ABCA1: variants seen among roughly 807,000 people sequenced by gnomAD.
ABCA1 encodes ATP binding cassette subfamily A member 1, also known as phospholipid-transporting ATPase ABCA1.
A neutral mutation model predicts 262.5 loss-of-function variants in ABCA1; 133 were observed. That is an observed-to-expected ratio of 0.51 (90% confidence interval 0.44 to 0.59). The LOEUF is 0.59. Among genes scored for constraint, ABCA1 ranks in the 20% least tolerant of loss-of-function variants. ABCA1 has a pLI of 0.00. For synonymous variants in ABCA1, 1,022 were observed against 1,043.5 expected (o/e 0.98, Z 0.40); for missense variants, 2,452 against 2,777.5 (o/e 0.88, Z 2.63).
At chr9:104,862,634 C>CT (rs1836530308) in intron 5 of ABCA1, among the ~76,000 whole-genome samples, 1 of 62,144 alleles carries the variant, frequency 1.6e-5, no homozygotes, top group Non-Finnish European at 3.2e-5. Flanking sequence ...TGCAGACTGC[C>CT]GGGCCGGGCC....
intron 2 of ABCA1, among the ~76,000 whole-genome samples, chr9:104,892,471 A>T (rs1394671304): frequency 6.6e-6 from 1 of 151,804 alleles, no homozygotes; most frequent in Non-Finnish European, 1.5e-5. Flanking sequence ...CAAAACCATG[A>T]CTCTATGAAA....
intron 46 of ABCA1, 142 bp downstream of exon 46, chr9:104,787,778 C>A: frequency 6.4e-7 from 1 of 1,565,636 alleles, no homozygotes; most frequent in South Asian, 1.1e-5. Flanking sequence ...GAGAAGCTTC[C>A]CTCTGCTTTT....
intron 1 of ABCA1, among the ~76,000 whole-genome samples, chr9:104,924,586 G>C (rs1842322422): frequency 1.3e-5 from 2 of 149,506 alleles, no homozygotes; most frequent in African/African-American, 2.5e-5. Flanking sequence ...CTCCAGCCTA[G>C]GCAAAAGAGC....
rs753970024 is a variant in ABCA1 at position 104,796,110 on chromosome 9, G to A, written c.5325C>T (p.Leu1775=). Residue 1775 remains leucine, a synonymous_variant, in exon 39 of 50, where the codon CTC becomes CTT. Coordinates refer to ENST00000374736, the MANE Select transcript of ABCA1 (RefSeq NM_005502.4). ...TAYVVLTSVN[L]FIGINGSVAT... is the part of the protein sequence containing the mutation. The stretch of plus-strand genomic sequence containing the variant: ...CCACGCTGCCATTAATGCCAATGAA[G>A]AGGTTCACGCTGGTGAGCACCACAT... 1.5e-5 allele frequency: 24 copies of A among 1,613,642 alleles called. No homozygotes were observed. In the South Asian group the frequency reaches 2.5e-4, roughly 17 times the overall value.
chr9:104,907,196 G>A (rs1333293864), intron 1 of ABCA1, among the ~76,000 whole-genome samples: 2 of 152,110 alleles, frequency 1.3e-5, no homozygotes, highest in East Asian at 3.9e-4. Context: ...CCTACCACTG[G>A]GACTTCACTG....
At chr9:104,816,405 C>A (rs1307890104) in intron 24 of ABCA1, 60 bp from the exon 25 acceptor site, 4 of 1,520,814 alleles carry the variant, frequency 2.6e-6, no homozygotes, top group Non-Finnish European at 3.6e-6. Flanking sequence ...GGAGTGAGGG[C>A]TGGCCATCCC....
rs914038129 is a variant in ABCA1, at chr9:104,821,658, C to G, written c.2829-152G>C. 4.4e-6 allele frequency: 4 copies of G among 917,488 alleles called. No homozygotes were observed. In the Admixed American group the frequency reaches 9.7e-5, roughly 22 times the overall value. The allele number at this position is 917,488 out of a possible 1,614,324, so 56.8% of individuals were successfully genotyped here. ...CCTACCAGACCCACACAAAGCAAAG[C>G]TGTCCTTTTGCTTCGGTAAATAACT... On this transcript the variant is annotated intron_variant, in intron 19 of 49. Transcript: ENST00000374736.
At chr9:104,919,304 G>T (rs1248627924) in intron 1 of ABCA1, among the ~76,000 whole-genome samples, 1 of 152,056 alleles carries the variant, frequency 6.6e-6, no homozygotes, top group Admixed American at 6.6e-5. Context: ...GGCTTAACAG[G>T]AGTCCATTAT....
intron 5 of ABCA1, among the ~76,000 whole-genome samples, chr9:104,863,404 A>G (rs1197944377): frequency 1.3e-5 from 2 of 152,228 alleles, no homozygotes; most frequent in Non-Finnish European, 2.9e-5. Context: ...ATGGCCAGGC[A>G]CTAAGCAACC....
intron 3 of ABCA1, among the ~76,000 whole-genome samples, chr9:104,885,633 A>C (rs1471500338): frequency 6.6e-6 from 1 of 152,188 alleles, no homozygotes; most frequent in African/African-American, 2.4e-5. Flanking sequence ...TCTTACCAAA[A>C]GGATGATGGG....
Position 104,917,724 on chromosome 9 carries a change from A to G in ABCA1, c.-93+10211T>C, listed in dbSNP as rs144997303. Among the ~76,000 whole-genome samples, 281 of 152,204 alleles carry G rather than the reference A, an allele frequency of 1.8e-3. 2 individuals carry two copies. In the East Asian group the frequency reaches 0.035, roughly 19 times the overall value. ...AGCCGAGGTGGTGCCACTGCACTCC[A>G]GCCTGGGCAACAGAGCAAGACTCGT... On this transcript the variant is annotated intron_variant, in intron 1 of 49. Coordinates refer to ENST00000374736, the MANE Select transcript of ABCA1 (RefSeq NM_005502.4).
intron 20 of ABCA1, among the ~76,000 whole-genome samples, chr9:104,820,763 C>A (rs972036945): frequency 1.3e-5 from 2 of 151,826 alleles, no homozygotes; most frequent in African/African-American, 4.8e-5. Context: ...AGGAGGGTGG[C>A]GGGGGAGAGG....
chr9:104,867,220 A>G (rs986485202), intron 5 of ABCA1, among the ~76,000 whole-genome samples: 1 of 152,216 alleles, frequency 6.6e-6, no homozygotes, highest in African/African-American at 2.4e-5. Context: ...AGCTAGAAGC[A>G]GAGTGGGGAA....
chr9:104,810,747 T>C, intron 29 of ABCA1, 53 bp downstream of exon 29: 1 of 1,613,760 alleles, frequency 6.2e-7, no homozygotes, highest in Non-Finnish European at 8.5e-7. Flanking sequence ...CTCGTAAACA[T>C]CTTTGGTCTG....
chr9:104,863,149 G>A (rs1836782752), intron 5 of ABCA1, among the ~76,000 whole-genome samples: 1 of 152,150 alleles, frequency 6.6e-6, no homozygotes, highest in Admixed American at 6.5e-5. Context: ...GTTGGAGGCT[G>A]TGTCTGGTGG....
chr9:104,850,394 T>G (rs1835273273), intron 7 of ABCA1, among the ~76,000 whole-genome samples: 1 of 152,230 alleles, frequency 6.6e-6, no homozygotes, highest in African/African-American at 2.4e-5. Context: ...AGTGCTGGGA[T>G]TGCAGGCGTG....
In ABCA1 at chr9:104,845,252, C is replaced by CTGTT. The variant is rs1564171718; in HGVS notation, c.813+221_813+224dup. 3.3e-5 allele frequency among the ~76,000 whole-genome samples: 5 copies of CTGTT among 152,376 alleles called. No homozygotes were observed. The South Asian group carries it at 1.0e-3, about 32-fold the overall frequency. ...AGAAGGTTCTAAACTAGATATCCAGCTGTTAGCCACTAACCAATTAGCTCT... is the reference window on the plus strand; with the variant it reads ...AGAAGGTTCTAAACTAGATATCCAGCTGTTTGTTAGCCACTAACCAATTAGCTCT... On this transcript the variant is annotated intron_variant, in intron 8 of 49. Coordinates refer to ENST00000374736, the MANE Select transcript of ABCA1 (RefSeq NM_005502.4).
chr9:104,791,490 G>A (rs1044805069), intron 43 of ABCA1, among the ~76,000 whole-genome samples: 3 of 142,990 alleles, frequency 2.1e-5, no homozygotes, highest in African/African-American at 5.8e-5. Flanking sequence ...CTGGAGTGCA[G>A]CAGCGCAATC....
rs34544647 is a variant in ABCA1, at chr9:104,893,421, C to CAAAAAAAAAAAAAAAAAAA, written c.67-4245_67-4227dup. 3.7e-4 allele frequency among the ~76,000 whole-genome samples: 13 copies of CAAAAAAAAAAAAAAAAAAA among 35,256 alleles called. 2 individuals carry two copies. Among genetic ancestry groups the CAAAAAAAAAAAAAAAAAAA allele is most frequent in the African/African-American group, 6.5e-4 (7 of 10,774 alleles). 23.1% of individuals were successfully genotyped at this position (35,256 alleles called of 152,430 possible). A position where few individuals can be genotyped will look rare whatever the true frequency, so the allele number is the denominator to read the frequency against. On this transcript the variant is annotated intron_variant, in intron 2 of 49. Coordinates refer to ENST00000374736, the MANE Select transcript of ABCA1 (RefSeq NM_005502.4). ...TGGGCAACAGAGTGAGACTTCACCT[C>CAAAAAAAAAAAAAAAAAAA]AAAAAAAAAAAAAAAAAAAAAAAAA...
Sources: allele counts gnomAD v4.1 joint callset (sites outside exome capture counted in the v4.1 genomes callset), GRCh38; gene constraint gnomAD v4.1.1; transcripts MANE v1.5; gene names NCBI Gene and HGNC (gene_info 2026-07-23, HGNC 2026-07-21).